The following TNKS variants were observed in gnomAD, a reference collection of about 807,000 sequenced individuals.
TNKS encodes the protein poly [ADP-ribose] polymerase tankyrase-1.
A neutral mutation model predicts 135.8 loss-of-function variants in TNKS; 72 were observed. That is an observed-to-expected ratio of 0.53 (90% CI 0.44 to 0.64). TNKS has a LOEUF of 0.64. Among genes scored for constraint, TNKS ranks in the 30% least tolerant of loss-of-function variants. TNKS has a pLI of 0.00. For missense variants in TNKS, 1,769 were observed against 1,674.0 expected (o/e 1.06, Z -0.99); for synonymous variants, 849 against 649.3 (o/e 1.31, Z -4.68).
chr8:9,680,015 A>G (rs1012756837), intron 4 of TNKS, 28 bp downstream of exon 4: 6 of 1,569,504 alleles, frequency 3.8e-6, no homozygotes, highest in East Asian at 2.2e-5. Flanking sequence ...TTTTAAGTGT[A>G]TATAATGCAT....
intron 1 of TNKS, 186 bp downstream of exon 1, chr8:9,556,798 G>A: frequency 2.5e-6 from 1 of 403,284 alleles, no homozygotes; most frequent in Non-Finnish European, 4.6e-6. Context: ...TGGTTGGGGG[G>A]GATAAGTGAA....
chr8:9,575,022 C>G (rs1038847854), intron 1 of TNKS: 3 of 984,940 alleles, frequency 3.0e-6, no homozygotes, highest in Non-Finnish European at 3.6e-6. Flanking sequence ...CGTTGATAAA[C>G]TGCTATGTGT....
intron 5 of TNKS, among the ~76,000 whole-genome samples, chr8:9,686,985 T>C (rs1174623757): frequency 6.6e-6 from 1 of 152,208 alleles, no homozygotes; most frequent in Non-Finnish European, 1.5e-5. Context: ...CAATTACCCA[T>C]AATGCAGAAT....
intron 20 of TNKS, among the ~76,000 whole-genome samples, chr8:9,759,474 T>C (rs985547027): frequency 2.0e-5 from 3 of 152,252 alleles, no homozygotes; most frequent in Non-Finnish European, 4.4e-5. Flanking sequence ...CCTTGCCTTC[T>C]AAACTAAGTG....
intron 3 of TNKS, among the ~76,000 whole-genome samples, chr8:9,672,195 GT>G (rs1802301901): frequency 6.6e-6 from 1 of 152,104 alleles, no homozygotes; most frequent in Non-Finnish European, 1.5e-5. Context: ...ACTATGCCTA[GT>G]TTATAAATTA....
intron 4 of TNKS, among the ~76,000 whole-genome samples, chr8:9,680,244 C>T (rs1054009930): frequency 1.3e-5 from 2 of 152,032 alleles, no homozygotes; most frequent in South Asian, 2.1e-4. Flanking sequence ...GCTTTTCCAG[C>T]GATATTCTTG....
chr8:9,619,443 A>G (rs1429770295), intron 3 of TNKS, among the ~76,000 whole-genome samples: 1 of 152,176 alleles, frequency 6.6e-6, no homozygotes, highest in East Asian at 1.9e-4. Context: ...AACCAAAGGA[A>G]TGTTTGTCGT....
intron 2 of TNKS, among the ~76,000 whole-genome samples, chr8:9,612,808 C>T (rs998309389): frequency 1.3e-5 from 2 of 151,788 alleles, no homozygotes; most frequent in Admixed American, 6.6e-5. Flanking sequence ...TAATAGCCTA[C>T]TATTGACCAG....
At chr8:9,672,711 C>CACACACA (rs1399922732) in intron 3 of TNKS, among the ~76,000 whole-genome samples, 1,284 of 85,112 alleles carry the variant, frequency 0.015, 22 homozygotes, top group Non-Finnish European at 0.024. Context: ...CACACACACA[C>CACACACA]AAAAAAAAAA....
At chr8:9,770,071 T>C in intron 25 of TNKS, 35 bp from the exon 26 acceptor site, 3 of 1,563,556 alleles carry the variant, frequency 1.9e-6, no homozygotes, top group Non-Finnish European at 2.6e-6. Flanking sequence ...GATTTAAAGC[T>C]TCCTTCAAAG....
chr8:9,618,035 A>C (rs1799713890), intron 3 of TNKS, among the ~76,000 whole-genome samples: 2 of 130,198 alleles, frequency 1.5e-5, no homozygotes, highest in African/African-American at 6.1e-5. Context: ...TGCCCAGGCT[A>C]GAGTTCAGTG....
Position 9,580,220 on chromosome 8 carries a change from T to C in TNKS, c.735T>C (p.Arg245=). The change falls in exon 2 of 27, where the codon CGT becomes CGC. Residue 245 remains arginine (R), a synonymous_variant. Coordinates refer to ENST00000310430, the MANE Select transcript of TNKS (RefSeq NM_003747.3). ...LLQMGANVHA[R]DDGGLIPLHN... The stretch of plus-strand genomic sequence containing the variant: ...AGATGGGTGCTAATGTCCACGCTCG[T>C]GATGATGGAGGTCTCATCCCGCTTC... 6.2e-7 allele frequency: 1 copy of C among 1,614,198 alleles called. No individual in the cohort carries two copies. The highest frequency in any genetic ancestry group is 8.5e-7 in the Non-Finnish European group (1 of 1,180,032).
chr8:9,557,071 A>G, intron 1 of TNKS: 1 of 188,944 alleles, frequency 5.3e-6, no homozygotes, highest in Non-Finnish European at 1.1e-5. Flanking sequence ...TTAATAACCC[A>G]ATGAAAGACA....
chr8:9,734,878 C>T lies in TNKS; in HGVS notation c.2327C>T (p.Pro776Leu), dbSNP rs1295921050. The T allele has an allele frequency of 6.2e-7, 1 of 1,613,706 alleles. No homozygotes were observed. Among genetic ancestry groups the T allele is most frequent in the Non-Finnish European group, 8.5e-7 (1 of 1,179,806 alleles). ...TCTTCTTTGTAGCATGGAGCAGATC[C>T]AACTAAAAAGAACAGAGATGGAAAT... is the stretch of plus-strand genomic sequence containing the variant. The part of the protein sequence containing the change: ...CKLLLKHGAD[P>L]TKKNRDGNTP... The change falls in exon 16 of 27, where the codon CCA becomes CTA. Residue 776 changes from proline (P) to leucine (L), a missense_variant. Physicochemically the swap from Pro to Leu is moderately conservative, Grantham distance 98 (BLOSUM62 -3). Around this residue, in one of 5 missense-constraint regions of TNKS, gnomAD observed 722 missense variants for 688.9 expected, o/e 1.05. Transcript: ENST00000310430.
intron 1 of TNKS, among the ~76,000 whole-genome samples, chr8:9,574,749 C>T (rs548872373): frequency 5.9e-5 from 9 of 152,032 alleles, no homozygotes; most frequent in Non-Finnish European, 1.3e-4. Context: ...GATTTTTTAG[C>T]CTTTTTTGTT....
At chr8:9,686,075 A>C (rs1035173295) in intron 5 of TNKS, among the ~76,000 whole-genome samples, 2 of 152,208 alleles carry the variant, frequency 1.3e-5, no homozygotes, top group East Asian at 3.8e-4. Flanking sequence ...GCCCCCTGCC[A>C]CACTGACTCT....
chr8:9,571,816 G>A (rs760070380), intron 1 of TNKS, among the ~76,000 whole-genome samples: 12 of 152,026 alleles, frequency 7.9e-5, no homozygotes, highest in Non-Finnish European at 1.5e-4. Flanking sequence ...TGTTTGAACC[G>A]TTCTGAACTT....
intron 17 of TNKS, chr8:9,741,611 TAAAGG>T (rs1486545407): frequency 2.3e-6 from 1 of 428,172 alleles, no homozygotes; most frequent in African/African-American, 2.0e-5. Context: ...TCACAGAGGA[TAAAGG>T]AAAGTTAATT....
chr8:9,570,637 C>T (rs568686031), intron 1 of TNKS, among the ~76,000 whole-genome samples: 3 of 152,326 alleles, frequency 2.0e-5, no homozygotes, highest in Admixed American at 2.0e-4. Flanking sequence ...CTATATGGCC[C>T]ATGTTCCATT....
Sources: gnomAD v4.1 joint callset for allele counts (sites outside exome capture counted in the v4.1 genomes callset) on GRCh38, gnomAD v4.1.1 for gene constraint, gnomAD v4.1.1 regional missense constraint, MANE v1.5 for transcripts, NCBI Gene and HGNC (gene_info 2026-07-23, HGNC 2026-07-21) for gene names.